Variants in NOL10 observed in about 807,000 individuals in gnomAD.
The protein encoded by NOL10 is H_NH0074G24.1.
In NOL10, 58 loss-of-function variants were observed where a neutral mutation model predicts 103.5. That is an observed-to-expected ratio of 0.56 (90% CI 0.45 to 0.70). The LOEUF (loss-of-function observed/expected upper bound fraction) is 0.70. Among genes scored for constraint, NOL10 ranks in the 30% least tolerant of loss-of-function variants. NOL10 has a pLI of 0.00. For synonymous variants in NOL10, 287 were observed against 282.5 expected, an observed-to-expected ratio of 1.02 and a Z score of -0.16; for missense variants, 763 against 807.3, an observed-to-expected ratio of 0.95 and a Z score of 0.67.
At chr2:10,689,746 G>A (rs1231397863) in intron 1 of NOL10, 50 bp downstream of exon 1, 2 of 1,540,560 alleles carry the variant, frequency 1.3e-6, no homozygotes, top group East Asian at 2.4e-5. Flanking sequence ...GCCCCACGAG[G>A]AGGACGACCC....
At chr2:10,616,835 C>G (rs1425983975) in intron 13 of NOL10, among the ~76,000 whole-genome samples, 1 of 152,218 alleles carries the variant, frequency 6.6e-6, no homozygotes, top group East Asian at 1.9e-4. Flanking sequence ...AGGAGTGAGA[C>G]ACCACGTCTG....
chr2:10,621,517 C>T (rs138530250), intron 13 of NOL10, among the ~76,000 whole-genome samples: 1 of 152,072 alleles, frequency 6.6e-6, no homozygotes. Flanking sequence ...TCACTTGAAC[C>T]CCGGAATTCA....
intron 20 of NOL10, among the ~76,000 whole-genome samples, chr2:10,573,535 T>A (rs2148134748): frequency 6.6e-6 from 1 of 152,100 alleles, no homozygotes; most frequent in South Asian, 2.1e-4. Flanking sequence ...CATGCATCTG[T>A]GTGTTACCCT....
intron 20 of NOL10, 25 bp from the exon 21 acceptor site, chr2:10,572,215 G>A (rs1674215294): frequency 6.2e-7 from 1 of 1,612,322 alleles, no homozygotes; most frequent in Non-Finnish European, 8.5e-7. Flanking sequence ...GAAATGAGTA[G>A]AGGGAAAGAG....
chr2:10,686,001 G>C (rs1682174664), intron 1 of NOL10, among the ~76,000 whole-genome samples: 2 of 151,846 alleles, frequency 1.3e-5, no homozygotes, highest in South Asian at 4.1e-4. Flanking sequence ...AGTCAAGGCT[G>C]AGGTGAGCCA....
rs139226001 is a variant in NOL10, at chr2:10,610,887, C to G, written c.1027-3576G>C. 6.7e-3 allele frequency among the ~76,000 whole-genome samples: 1,021 copies of G among 152,348 alleles called. 9 individuals carry two copies. The highest frequency in any genetic ancestry group is 0.041 in the South Asian group (200 of 4,826). The stretch of plus-strand genomic sequence containing the variant: ...GACTATCACTACTACCTCAAACTTT[C>G]CAGGTTTTCTGTCCTGCTGTTACAT... On this transcript the variant is annotated intron_variant, in intron 13 of 20. Transcript: ENST00000381685.
intron 13 of NOL10, among the ~76,000 whole-genome samples, chr2:10,612,881 T>A (rs1385437210): frequency 6.6e-6 from 1 of 151,894 alleles, no homozygotes; most frequent in Non-Finnish European, 1.5e-5. Flanking sequence ...ATTAAAAAAT[T>A]AACCAGGTAT....
At chr2:10,586,680 T>C (rs1166580664) in intron 19 of NOL10, among the ~76,000 whole-genome samples, 1 of 152,130 alleles carries the variant, frequency 6.6e-6, no homozygotes, top group Non-Finnish European at 1.5e-5. Flanking sequence ...CTTCTTCCTC[T>C]TCAGACCACT....
At chr2:10,630,636 A>C (rs1352450843) in intron 13 of NOL10, among the ~76,000 whole-genome samples, 2 of 152,098 alleles carry the variant, frequency 1.3e-5, no homozygotes, top group East Asian at 3.9e-4. Flanking sequence ...AATGGTGTGA[A>C]CCTGGGAGGT....
chr2:10,633,347 C>A (rs1677963430), intron 13 of NOL10, among the ~76,000 whole-genome samples: 1 of 151,906 alleles, frequency 6.6e-6, no homozygotes, highest in Admixed American at 6.6e-5. Flanking sequence ...GGTACCACCG[C>A]AAAAGGCTCT....
chr2:10,583,372 C>G (rs1379971047), intron 19 of NOL10, among the ~76,000 whole-genome samples: 1 of 152,290 alleles, frequency 6.6e-6, no homozygotes, highest in Non-Finnish European at 1.5e-5. Flanking sequence ...TTACTTTATA[C>G]AATGACGCTA....
intron 8 of NOL10, among the ~76,000 whole-genome samples, chr2:10,664,133 C>A (rs1680415593): frequency 6.7e-6 from 1 of 150,082 alleles, no homozygotes; most frequent in African/African-American, 2.4e-5. Context: ...AAAAAAAAAC[C>A]CAAAAAAACA....
At chr2:10,669,539 CACAA>C (rs1182957341) in intron 6 of NOL10, among the ~76,000 whole-genome samples, 1 of 117,604 alleles carries the variant, frequency 8.5e-6, no homozygotes, top group East Asian at 2.3e-4. Context: ...CACACACACA[CACAA>C]ACATAATAGC....
At chr2:10,601,580 G>A (rs1487574992) in intron 16 of NOL10, among the ~76,000 whole-genome samples, 1 of 152,142 alleles carries the variant, frequency 6.6e-6, no homozygotes, top group South Asian at 2.1e-4. Flanking sequence ...TTGGGAAGCC[G>A]ATGGGAGGCT....
intron 8 of NOL10, among the ~76,000 whole-genome samples, chr2:10,665,898 CTTT>C (rs775185598): frequency 1.3e-5 from 2 of 152,146 alleles, no homozygotes; most frequent in East Asian, 1.9e-4. Flanking sequence ...ACTTCAACTT[CTTT>C]GTTAGACTCT....
intron 1 of NOL10, among the ~76,000 whole-genome samples, chr2:10,688,786 G>A (rs114471506): frequency 0.032 from 4,925 of 152,242 alleles, 276 homozygotes; most frequent in African/African-American, 0.11. Context: ...CTCAATACAT[G>A]TGGAGAATGA....
intron 13 of NOL10, among the ~76,000 whole-genome samples, chr2:10,626,074 T>C (rs571346284): frequency 3.3e-5 from 5 of 152,062 alleles, no homozygotes; most frequent in South Asian, 2.1e-4. Flanking sequence ...CCCAGCTGCA[T>C]GGGGCTGAGG....
intron 12 of NOL10, among the ~76,000 whole-genome samples, chr2:10,650,886 C>A (rs946750711): frequency 6.6e-6 from 1 of 152,204 alleles, no homozygotes; most frequent in Non-Finnish European, 1.5e-5. Context: ...TAACAACATG[C>A]ACTGCTAACA....
At chr2:10,637,309 A>T (rs1678330345) in intron 13 of NOL10, among the ~76,000 whole-genome samples, 1 of 152,180 alleles carries the variant, frequency 6.6e-6, no homozygotes, top group Non-Finnish European at 1.5e-5. Context: ...CAAGAAAAAA[A>T]TCTGCCAGAC....
Sources: allele counts gnomAD v4.1 joint callset (sites outside exome capture counted in the v4.1 genomes callset), GRCh38; gene constraint gnomAD v4.1.1; transcripts MANE v1.5; gene names NCBI Gene and HGNC (gene_info 2026-07-23, HGNC 2026-07-21).